The following EPHA6 variants were observed in gnomAD, a reference collection of about 807,000 sequenced individuals.
EPHA6 encodes the protein EPH receptor A6.
Under a neutral mutation model 112.0 loss-of-function variants are expected in EPHA6, and 50 were observed. The observed-to-expected ratio is 0.45, with a 90% confidence interval of 0.36 to 0.56. The LOEUF (loss-of-function observed/expected upper bound fraction) is 0.56, where lower values mean the gene tolerates loss of function less well. Among genes scored for constraint, EPHA6 ranks in the 20% least tolerant of loss-of-function variants. EPHA6 has a pLI of 0.00. For synonymous variants in EPHA6, 529 were observed against 490.7 expected, an observed-to-expected ratio of 1.08 and a Z score of -1.03; for missense variants, 1,280 against 1,417.4, an observed-to-expected ratio of 0.90 and a Z score of 1.56.
At chr3:97,177,250 G>A (rs1395746619) in intron 3 of EPHA6, among the ~76,000 whole-genome samples, 1 of 151,824 alleles carries the variant, frequency 6.6e-6, no homozygotes, top group Non-Finnish European at 1.5e-5. Flanking sequence ...TGCTTGATAT[G>A]ATTTCAGTTT....
intron 5 of EPHA6, among the ~76,000 whole-genome samples, chr3:97,355,011 A>C (rs977696024): frequency 6.6e-6 from 1 of 152,224 alleles, no homozygotes; most frequent in Non-Finnish European, 1.5e-5. Context: ...TCTAGTAAAA[A>C]TATCCTTCAA....
At chr3:97,025,839 C>T (rs1392505508) in intron 3 of EPHA6, among the ~76,000 whole-genome samples, 1 of 152,084 alleles carries the variant, frequency 6.6e-6, no homozygotes, top group Non-Finnish European at 1.5e-5. Flanking sequence ...CTGCCCTCCT[C>T]AGCCTCCCAA....
At chr3:97,019,362 C>T (rs1276068579) in intron 3 of EPHA6, among the ~76,000 whole-genome samples, 1 of 152,108 alleles carries the variant, frequency 6.6e-6, no homozygotes, top group Non-Finnish European at 1.5e-5. Flanking sequence ...CACATATGTA[C>T]TAATCATCAC....
intron 3 of EPHA6, among the ~76,000 whole-genome samples, chr3:97,008,442 T>G (rs1387554416): frequency 1.3e-5 from 2 of 152,214 alleles, no homozygotes; most frequent in East Asian, 3.8e-4. Context: ...TGTGCTGTGT[T>G]TTTCAGCCCC....
At chr3:96,893,677 G>T (rs1353441883) in intron 2 of EPHA6, among the ~76,000 whole-genome samples, 1 of 152,192 alleles carries the variant, frequency 6.6e-6, no homozygotes, top group African/African-American at 2.4e-5. Context: ...AGAAGGGCCT[G>T]TATCAGATAC....
chr3:97,175,976 GT>G (rs2076825515), intron 3 of EPHA6, among the ~76,000 whole-genome samples: 1 of 151,840 alleles, frequency 6.6e-6, no homozygotes, highest in South Asian at 2.1e-4. Flanking sequence ...TCCTTGCCAT[GT>G]TCAAGATCTT....
intron 10 of EPHA6, among the ~76,000 whole-genome samples, chr3:97,511,035 C>T (rs750073565): frequency 2.0e-5 from 3 of 151,992 alleles, no homozygotes; most frequent in African/African-American, 4.8e-5. Context: ...GGAAGCCCCT[C>T]CCCCCCACCA....
intron 6 of EPHA6, among the ~76,000 whole-genome samples, chr3:97,443,294 A>C (rs900208083): frequency 6.7e-6 from 1 of 148,258 alleles, no homozygotes; most frequent in Non-Finnish European, 1.5e-5. Context: ...TTCTCAAACA[A>C]CCTGTAGCTT....
At chr3:97,416,571 A>T (rs1244879404) in intron 6 of EPHA6, among the ~76,000 whole-genome samples, 1 of 152,122 alleles carries the variant, frequency 6.6e-6, no homozygotes, top group Non-Finnish European at 1.5e-5. Flanking sequence ...TGTGGCTTGA[A>T]TATAGTAAGG....
At chr3:97,177,712 C>G (rs2076875480) in intron 3 of EPHA6, among the ~76,000 whole-genome samples, 1 of 151,874 alleles carries the variant, frequency 6.6e-6, no homozygotes, top group Non-Finnish European at 1.5e-5. Context: ...GGGACTCTGT[C>G]TCTTCTTATA....
At chr3:97,524,777 AC>A (rs1485622134) in intron 10 of EPHA6, among the ~76,000 whole-genome samples, 1 of 151,930 alleles carries the variant, frequency 6.6e-6, no homozygotes, top group Non-Finnish European at 1.5e-5. Flanking sequence ...ATTTTTTAGC[AC>A]TTTCAATATG....
chr3:97,002,766 A>G (rs902255219), intron 3 of EPHA6, among the ~76,000 whole-genome samples: 1 of 152,062 alleles, frequency 6.6e-6, no homozygotes, highest in Admixed American at 6.6e-5. Context: ...AACGGTGCTC[A>G]TTTTTGTATA....
At chr3:96,930,000 G>GC (rs1368003047) in intron 2 of EPHA6, among the ~76,000 whole-genome samples, 3 of 152,088 alleles carry the variant, frequency 2.0e-5, no homozygotes, top group African/African-American at 7.2e-5. Context: ...CCACAGCTTA[G>GC]CCAATTCTGC....
At chr3:97,588,099 TA>T (rs952290672) in intron 11 of EPHA6, among the ~76,000 whole-genome samples, 19 of 152,180 alleles carry the variant, frequency 1.2e-4, no homozygotes, top group African/African-American at 2.6e-4. Context: ...TATATATTTA[TA>T]AAAAAATAAA....
chr3:97,436,640 C>T (rs1437976511), intron 6 of EPHA6, among the ~76,000 whole-genome samples: 1 of 152,092 alleles, frequency 6.6e-6, no homozygotes, highest in Non-Finnish European at 1.5e-5. Context: ...TACTGTTTTT[C>T]AGTGAAGACA....
chr3:97,044,542 C>T (rs1296588101), intron 3 of EPHA6, among the ~76,000 whole-genome samples: 1 of 152,234 alleles, frequency 6.6e-6, no homozygotes, highest in East Asian at 1.9e-4. Flanking sequence ...TTTTACCAAC[C>T]ATGTCCTTCT....
At chr3:97,660,762 C>A (rs1693385909) in intron 14 of EPHA6, among the ~76,000 whole-genome samples, 1 of 151,934 alleles carries the variant, frequency 6.6e-6, no homozygotes, top group African/African-American at 2.4e-5. Context: ...TTAAAATAGC[C>A]TAAACCTATG....
chr3:97,153,535 T>A (rs928603498), intron 3 of EPHA6, among the ~76,000 whole-genome samples: 1 of 152,032 alleles, frequency 6.6e-6, no homozygotes, highest in African/African-American at 2.4e-5. Context: ...CTACATAGGA[T>A]CCAACTTTCA....
At chr3:97,167,328 C>T (rs368841084) in intron 3 of EPHA6, among the ~76,000 whole-genome samples, 7 of 152,104 alleles carry the variant, frequency 4.6e-5, no homozygotes, top group South Asian at 4.1e-4. Flanking sequence ...ATGCCTCAGA[C>T]GGTGCCCAGC....
Sources: gnomAD v4.1 joint callset for allele counts (sites outside exome capture counted in the v4.1 genomes callset) on GRCh38, gnomAD v4.1.1 for gene constraint, MANE v1.5 for transcripts, NCBI Gene and HGNC (gene_info 2026-07-23, HGNC 2026-07-21) for gene names.